NR3C2: variants seen among roughly 807,000 people sequenced by gnomAD.
NR3C2 encodes the protein nuclear receptor subfamily 3 group C member 2, also known as mineralocorticoid receptor.
NR3C2 carries 15 observed loss-of-function variants against 86.4 expected under a neutral mutation model. The ratio of observed to expected loss-of-function variants is 0.17; its 90% CI spans 0.12 to 0.27. The LOEUF (loss-of-function observed/expected upper bound fraction) is 0.27, where lower values mean the gene tolerates loss of function less well. Among genes scored for constraint, NR3C2 ranks in the 10% least tolerant of loss-of-function variants. The probability of loss-of-function intolerance (pLI) is 1.00; values close to 1 mark genes in which losing one functional copy is unlikely to be tolerated. For missense variants in NR3C2, 960 were observed against 1,195.6 expected (o/e 0.80, Z 2.91); for synonymous variants, 458 against 450.5 (o/e 1.02, Z -0.21).
At chr4:148,344,113 T>A (rs1044224670) in intron 2 of NR3C2, among the ~76,000 whole-genome samples, 3 of 152,204 alleles carry the variant, frequency 2.0e-5, no homozygotes, top group Non-Finnish European at 2.9e-5. Flanking sequence ...ATTCGTCTTT[T>A]TAGGACTGAC....
At chr4:148,191,209 T>C (rs1736180387) in intron 4 of NR3C2, among the ~76,000 whole-genome samples, 2 of 152,214 alleles carry the variant, frequency 1.3e-5, no homozygotes, top group Non-Finnish European at 2.9e-5. Flanking sequence ...TTTGTTTGTC[T>C]GAAAATGGCT....
At chr4:148,361,328 C>A (rs1745824977) in intron 2 of NR3C2, among the ~76,000 whole-genome samples, 1 of 152,200 alleles carries the variant, frequency 6.6e-6, no homozygotes, top group African/African-American at 2.4e-5. Flanking sequence ...GAATAAAAAT[C>A]TCTAGGCTAC....
At chr4:148,123,713 G>A (rs543925874) in intron 6 of NR3C2, among the ~76,000 whole-genome samples, 13 of 152,198 alleles carry the variant, frequency 8.5e-5, no homozygotes, top group Non-Finnish European at 1.6e-4. Flanking sequence ...GGGTTCCCCC[G>A]ATATCCCCTC....
upstream of NR3C2, chr4:148,444,160 G>A (rs2126678817): frequency 1.0e-6 from 1 of 985,386 alleles, no homozygotes; most frequent in South Asian, 4.7e-5. Context: ...CCTAGAGCCT[G>A]GGCACGCGAG....
At chr4:148,230,719 A>G (rs1276277178) in intron 3 of NR3C2, among the ~76,000 whole-genome samples, 1 of 152,234 alleles carries the variant, frequency 6.6e-6, no homozygotes, top group East Asian at 1.9e-4. Context: ...TGTTTCATTT[A>G]AGCTTTCATG....
chr4:148,181,281 C>A (rs748629448), intron 4 of NR3C2, among the ~76,000 whole-genome samples: 4 of 152,172 alleles, frequency 2.6e-5, no homozygotes, highest in Middle Eastern at 6.8e-3. Context: ...CAAGTCCTAT[C>A]GAAATGTGAA....
intron 2 of NR3C2, among the ~76,000 whole-genome samples, chr4:148,294,119 G>T (rs1252148816): frequency 6.6e-6 from 1 of 152,040 alleles, no homozygotes; most frequent in Non-Finnish European, 1.5e-5. Flanking sequence ...TATCTCCATG[G>T]GCAAAAGGAG....
chr4:148,208,502 C>A (rs535519389), intron 3 of NR3C2: 4 of 152,342 alleles, frequency 2.6e-5, no homozygotes, highest in Admixed American at 6.5e-5. Flanking sequence ...CTATGTAGTA[C>A]CCCCGTCCTT....
At chr4:148,094,623 G>A (rs992794484) in intron 8 of NR3C2, among the ~76,000 whole-genome samples, 1 of 151,712 alleles carries the variant, frequency 6.6e-6, no homozygotes, top group Non-Finnish European at 1.5e-5. Flanking sequence ...GCTGAGGTAG[G>A]AGAATCGCTT....
At chr4:148,284,501 C>G (rs897783283) in intron 2 of NR3C2, among the ~76,000 whole-genome samples, 10 of 152,120 alleles carry the variant, frequency 6.6e-5, no homozygotes, top group African/African-American at 2.2e-4. Flanking sequence ...TTACTTTTAC[C>G]TATACAAATG....
At chr4:148,418,306 T>C (rs72658650) in intron 2 of NR3C2, among the ~76,000 whole-genome samples, 3 of 152,202 alleles carry the variant, frequency 2.0e-5, no homozygotes, top group Non-Finnish European at 2.9e-5. Flanking sequence ...CTTGTGCTAT[T>C]TGCTTTACTG....
intron 4 of NR3C2, among the ~76,000 whole-genome samples, chr4:148,166,470 G>A (rs914088774): frequency 2.6e-5 from 4 of 152,196 alleles, no homozygotes; most frequent in Non-Finnish European, 4.4e-5. Context: ...GTATTCTGCC[G>A]CAGTGTAAAT....
intron 8 of NR3C2, among the ~76,000 whole-genome samples, chr4:148,096,147 A>C (rs1203505372): frequency 6.6e-6 from 1 of 152,210 alleles, no homozygotes; most frequent in Non-Finnish European, 1.5e-5. Flanking sequence ...GGTCTATTGT[A>C]CATGTGAAAA....
At chr4:148,103,595 T>C (rs1731640720) in intron 8 of NR3C2, among the ~76,000 whole-genome samples, 1 of 152,372 alleles carries the variant, frequency 6.6e-6, no homozygotes, top group Non-Finnish European at 1.5e-5. Flanking sequence ...TGTAGCGTTC[T>C]GGTTATGAAA....
intron 2 of NR3C2, among the ~76,000 whole-genome samples, chr4:148,312,848 T>TA (rs921663887): frequency 7.9e-5 from 12 of 152,170 alleles, no homozygotes; most frequent in Admixed American, 2.0e-4. Flanking sequence ...GGCTTTTTTT[T>TA]ATGGGAAAAG....
chr4:148,293,954 C>T (rs545687548), intron 2 of NR3C2, among the ~76,000 whole-genome samples: 37 of 152,230 alleles, frequency 2.4e-4, no homozygotes, highest in African/African-American at 8.9e-4. Context: ...GGACAGGGCC[C>T]ATCTTCCATG....
intron 3 of NR3C2, among the ~76,000 whole-genome samples, chr4:148,246,477 T>G (rs574136752): frequency 1.6e-4 from 25 of 152,364 alleles, no homozygotes; most frequent in African/African-American, 5.3e-4. Flanking sequence ...ACATTCTTCT[T>G]GTAGTCCAGT....
chr4:148,301,020 T>A (rs1445379357), intron 2 of NR3C2, among the ~76,000 whole-genome samples: 1 of 152,214 alleles, frequency 6.6e-6, no homozygotes, highest in African/African-American at 2.4e-5. Context: ...TACAGGCAGA[T>A]GGATCCCTGT....
At chr4:148,095,292 C>T (rs1326664043) in intron 8 of NR3C2, among the ~76,000 whole-genome samples, 1 of 152,240 alleles carries the variant, frequency 6.6e-6, no homozygotes, top group African/African-American at 2.4e-5. Context: ...AGCCATGTGG[C>T]TCTGCTTTTT....
Sources: allele counts gnomAD v4.1 joint callset (sites outside exome capture counted in the v4.1 genomes callset), GRCh38; gene constraint gnomAD v4.1.1; transcripts MANE v1.5; gene names NCBI Gene and HGNC (gene_info 2026-07-23, HGNC 2026-07-21).